Variants in MIDN observed in about 807,000 individuals in gnomAD.
MIDN encodes midbrain nucleolar protein.
In MIDN, 26 loss-of-function variants were observed where a neutral mutation model predicts 46.1. The ratio of observed to expected loss-of-function variants is 0.56; its 90% CI spans 0.41 to 0.78. The LOEUF (loss-of-function observed/expected upper bound fraction) is 0.78, where lower values mean the gene tolerates loss of function less well. Ranked by LOEUF, MIDN falls within the 30% of genes least tolerant of loss-of-function variation. MIDN has a pLI of 0.00. For missense variants in MIDN, 850 were observed against 771.8 expected, an observed-to-expected ratio of 1.10 and a Z score of -1.20; for synonymous variants, 432 against 343.3, an observed-to-expected ratio of 1.26 and a Z score of -2.86.
chr19:1,248,729 C>T (rs1031814741), intron 1 of MIDN, 69 bp downstream of exon 1: 4 of 152,220 alleles, frequency 2.6e-5, no homozygotes, highest in Admixed American at 6.5e-5. Context: ...AGGATGCCCG[C>T]ACTTTTCTTT....
Position 1,254,961 on chromosome 19 carries a change from T to A in MIDN, c.885T>A (p.Ser295=). Residue 295 remains serine, a synonymous_variant, in exon 7 of 9, where the codon TCT becomes TCA. Transcript: ENST00000682408. ...CCAGTCCTGGTGCCAGCACCACGTCTACCCCAGGGGCCAGCCCTGCCCCCC... is the reference window on the plus strand; with the variant it reads ...CCAGTCCTGGTGCCAGCACCACGTCAACCCCAGGGGCCAGCCCTGCCCCCC... The part of the protein sequence containing the change: ...SSASPGASTT[S]TPGASPAPRS... The A allele has an allele frequency of 6.2e-7, 1 of 1,612,722 alleles. No individual in the cohort carries two copies. The highest frequency in any genetic ancestry group is 8.5e-7 in the Non-Finnish European group (1 of 1,179,802).
rs759025248 is a variant in MIDN, at chr19:1,257,029, G to A, written c.1293G>A (p.Thr431=). The change falls in exon 9 of 9, where the codon ACG becomes ACA. Residue 431 remains threonine (T), a synonymous_variant. Coordinates refer to ENST00000682408, the MANE Select transcript of MIDN (RefSeq NM_001388306.1). ...TTCGGCAGACAGAAAACCGCGCCAC[G>A]CGCTGCAAGGTGGAACGGCTGCAGC... ...DRLRQTENRA[T]RCKVERLQLL... is the part of the protein sequence containing the mutation. The A allele has an allele frequency of 6.8e-6, 11 of 1,611,860 alleles. No individual in the cohort carries two copies. Among genetic ancestry groups the A allele is most frequent in the East Asian group, 2.2e-5 (1 of 44,882 alleles).
rs1020912577 is a variant in MIDN at position 1,251,963 on chromosome 19, G to C, written c.384+62G>C. 23 of 1,412,352 alleles carry C rather than the reference G, an allele frequency of 1.6e-5. No homozygotes were observed. The South Asian group carries it at 1.9e-4, about 12-fold the overall frequency. The allele number at this position is 1,412,352 out of a possible 1,614,324, so 87.5% of individuals were successfully genotyped here. On this transcript the variant is annotated intron_variant, in intron 4 of 8. Transcript: ENST00000682408. ...CTGGGAGCAGGGTGCCTTGGCCACC[G>C]ACGGGGCCTGGGGGTTGTCTGTGCT...
rs1325726966 is a variant in MIDN, at chr19:1,253,965, G to A, written c.396G>A (p.Ala132=). 9 of 1,392,584 alleles carry A rather than the reference G, an allele frequency of 6.5e-6. No individual in the cohort carries two copies. Among genetic ancestry groups the A allele is most frequent in the Admixed American group, 6.8e-5 (2 of 29,238 alleles). The allele number at this position is 1,392,584 out of a possible 1,614,324, so 86.3% of individuals were successfully genotyped here. A position where few individuals can be genotyped will look rare whatever the true frequency, so the allele number is the denominator to read the frequency against. Residue 132 remains alanine, a synonymous_variant, in exon 5 of 9, where the codon GCG becomes GCA. Coordinates refer to ENST00000682408, the MANE Select transcript of MIDN (RefSeq NM_001388306.1). ...CTCTGTCCCCACAGCCCCCAGCGGC[G>A]CCCGGGCCGGGCCGGGCTGGCGGAG... ...ESLTETQPPA[A]PGPGRAGGGG... is the part of the protein sequence containing the mutation.
Position 1,257,489 on chromosome 19 carries a change from T to C in MIDN, c.*217T>C, listed in dbSNP as rs1194890060. On this transcript the variant is annotated 3_prime_UTR_variant, in exon 9 of 9. Transcript: ENST00000682408. ...CTCTTCATGGGCTTTGCTTCCTACC[T>C]CCTTCACCCTTCACTCCTGCCCTCC... 2 of 519,812 alleles carry C rather than the reference T, an allele frequency of 3.8e-6. No homozygotes were observed. The highest frequency in any genetic ancestry group is 6.7e-6 in the Non-Finnish European group (2 of 296,904). The allele number at this position is 519,812 out of a possible 1,614,324, so 32.2% of individuals were successfully genotyped here.
At chr19:1,249,210 C>T (rs1257173858) in intron 1 of MIDN, among the ~76,000 whole-genome samples, 1 of 147,926 alleles carries the variant, frequency 6.8e-6, no homozygotes, top group African/African-American at 2.4e-5. Flanking sequence ...CGGGTGGGCG[C>T]GCGGGGCCCC....
chr19:1,251,281 G>A, intron 2 of MIDN: 1 of 462,904 alleles, frequency 2.2e-6, no homozygotes, highest in South Asian at 2.6e-5. Context: ...CTGGGGCCCA[G>A]AGGAGGAGAA....
In MIDN at chr19:1,250,366, C is replaced by A. The variant is rs1050117643; in HGVS notation, c.70C>A (p.Pro24Thr). The change falls in exon 2 of 9, where the codon CCG becomes ACG. Residue 24 changes from proline (P) to threonine (T), a missense_variant. Coordinates refer to ENST00000682408, the MANE Select transcript of MIDN (RefSeq NM_001388306.1). ...CCCCGGCGGCGCCTGCGAGCTGGGC[C>A]CGGCGGCCGAGGCGGCGCCCATGAG... Reference protein sequence around the residue: ...GAPGGACELGPAAEAAPMSLA... With the variant: ...GAPGGACELGTAAEAAPMSLA... 2 of 1,140,890 alleles carry A rather than the reference C, an allele frequency of 1.8e-6. No individual in the cohort carries two copies. The highest frequency in any genetic ancestry group is 2.2e-6 in the Non-Finnish European group (2 of 920,754). 70.7% of individuals were successfully genotyped at this position (1,140,890 alleles called of 1,614,324 possible). A position where few individuals can be genotyped will look rare whatever the true frequency, so the allele number is the denominator to read the frequency against.
In MIDN at chr19:1,251,840, C is replaced by G. The variant is rs779362405; in HGVS notation, c.323C>G (p.Ser108Cys). The change falls in exon 4 of 9, where the codon TCT (serine) becomes TGT (cysteine). Residue 108 changes from serine to cysteine, a missense_variant and splice_region_variant. Ser to Cys is a moderately radical substitution (Grantham distance 112). Coordinates refer to ENST00000682408, the MANE Select transcript of MIDN (RefSeq NM_001388306.1). The part of the protein sequence containing the change: ...LVPTVEAGLM[S>C]QASRPEQSVM... ...CCCCTCTCCTCCCTCTCTTTGTAGTCTCAGGCCTCAAGGCCGGAACAGTCC... is the reference window on the plus strand; with the variant it reads ...CCCCTCTCCTCCCTCTCTTTGTAGTGTCAGGCCTCAAGGCCGGAACAGTCC... 2 of 1,613,194 alleles carry G rather than the reference C, an allele frequency of 1.2e-6. No homozygotes were observed. Among genetic ancestry groups the G allele is most frequent in the East Asian group, 2.2e-5 (1 of 44,864 alleles).
chr19:1,250,676 T>A, intron 2 of MIDN, 147 bp downstream of exon 2: 1 of 231,528 alleles, frequency 4.3e-6, no homozygotes, highest in Non-Finnish European at 7.5e-6. Context: ...CTGCTCGGCC[T>A]CGCCTGCCTC....
chr19:1,252,599 C>T (rs1280543811), intron 4 of MIDN, among the ~76,000 whole-genome samples: 1 of 151,948 alleles, frequency 6.6e-6, no homozygotes, highest in African/African-American at 2.4e-5. Context: ...GCCAAGCCTT[C>T]CTCAGACAAG....
chr19:1,254,593 G>A (rs1236504772), intron 6 of MIDN, 115 bp downstream of exon 6: 4 of 1,145,850 alleles, frequency 3.5e-6, no homozygotes, highest in Non-Finnish European at 5.0e-6. Flanking sequence ...CTTGTATTAA[G>A]GGCTATCCTG....
chr19:1,250,935 C>T (rs1367430000), intron 2 of MIDN, among the ~76,000 whole-genome samples: 2 of 151,920 alleles, frequency 1.3e-5, no homozygotes, highest in South Asian at 4.1e-4. Context: ...TTGTTCTCGC[C>T]TCCGAGCGCT....
In MIDN at chr19:1,257,785, C is replaced by G. The variant is rs1255804579; in HGVS notation, c.*513C>G. The G allele has an allele frequency of 6.5e-6, 1 of 154,884 alleles. No individual in the cohort carries two copies. The highest frequency in any genetic ancestry group is 1.9e-4 in the South Asian group (1 of 5,268). 9.6% of individuals were successfully genotyped at this position (154,884 alleles called of 1,614,324 possible). Reference sequence around the variant, plus strand: ...GCAGAACCCACCCCACCCCCCAGTGCAGACTTCGGGGTCTCCACCCCAGGC... The same window carrying G: ...GCAGAACCCACCCCACCCCCCAGTGGAGACTTCGGGGTCTCCACCCCAGGC... On this transcript the variant is annotated 3_prime_UTR_variant, in exon 9 of 9. Transcript: ENST00000682408.
Position 1,251,889 on chromosome 19 carries a change from C to T in MIDN, c.372C>T (p.Leu124=). The T allele has an allele frequency of 6.2e-7, 1 of 1,613,252 alleles. No homozygotes were observed. The highest frequency in any genetic ancestry group is 1.3e-5 in the African/African-American group (1 of 75,054). The change falls in exon 4 of 9, where the codon CTC becomes CTT. Residue 124 remains leucine, a synonymous_variant. Transcript: ENST00000682408. ...CCGTGATGCAAGCTCTCGAGAGTCT[C>T]ACGGAGACGCAGGTAAGACCTCGCC... ...EQSVMQALES[L]TETQPPAAPG...
intron 8 of MIDN, 110 bp downstream of exon 8, chr19:1,255,804 G>T: frequency 9.3e-7 from 1 of 1,076,256 alleles, no homozygotes; most frequent in Non-Finnish European, 1.3e-6. Flanking sequence ...AGGGGCTGGG[G>T]GGGATGGCAG....
Position 1,255,445 on chromosome 19 carries a change from G to T in MIDN, c.1009G>T (p.Asp337Tyr). ...AGGCACGCTACACCCCAACTGCCAA[G>T]ACAGCAGCGGGCGGCCGCGGCGTGA... ...FSGTLHPNCQ[D>Y]SSGRPRRDIG... The change falls in exon 8 of 9, where the codon GAC becomes TAC. Residue 337 changes from aspartate to tyrosine, a missense_variant. Coordinates refer to ENST00000682408, the MANE Select transcript of MIDN (RefSeq NM_001388306.1). 6.3e-7 allele frequency: 1 copy of T among 1,599,472 alleles called. No individual in the cohort carries two copies. Among genetic ancestry groups the T allele is most frequent in the Non-Finnish European group, 8.5e-7 (1 of 1,173,894 alleles).
Position 1,254,098 on chromosome 19 carries a change from G to T in MIDN, c.513+16G>T, listed in dbSNP as rs751949870. Reference sequence around the variant, plus strand: ...GAGGCCCCAGGTCACAGCGCGGGGGGACTGGGCCGGGCTGGGCTGGGGGCG... The same window carrying T: ...GAGGCCCCAGGTCACAGCGCGGGGGTACTGGGCCGGGCTGGGCTGGGGGCG... On this transcript the variant is annotated intron_variant, in intron 5 of 8. Transcript: ENST00000682408. The T allele has an allele frequency of 1.5e-4, 232 of 1,534,780 alleles. 2 individuals carry two copies. The highest frequency in any genetic ancestry group is 4.7e-4 in the East Asian group (19 of 40,620).
intron 1 of MIDN, among the ~76,000 whole-genome samples, chr19:1,248,978 C>A (rs1370408154): frequency 1.3e-5 from 2 of 152,044 alleles, no homozygotes; most frequent in African/African-American, 4.8e-5. Context: ...ATCGGGGTTC[C>A]TCCCCCGCGC....
Sources: allele counts gnomAD v4.1 joint callset (sites outside exome capture counted in the v4.1 genomes callset), GRCh38; gene constraint gnomAD v4.1.1; transcripts MANE v1.5; gene names NCBI Gene and HGNC (gene_info 2026-07-23, HGNC 2026-07-21).